The following ELF2 variants were observed in gnomAD, a reference collection of about 807,000 sequenced individuals.
The protein encoded by ELF2 is E74 like ETS transcription factor 2.
A neutral mutation model predicts 54.8 loss-of-function variants in ELF2; 11 were observed. The ratio of observed to expected loss-of-function variants is 0.20; its 90% confidence interval spans 0.13 to 0.33. The LOEUF is 0.33. Among genes scored for constraint, ELF2 ranks in the 10% least tolerant of loss-of-function variants. The probability of loss-of-function intolerance (pLI) is 1.00; values close to 1 mark genes in which losing one functional copy is unlikely to be tolerated. For synonymous variants in ELF2, 203 were observed against 245.1 expected, an observed-to-expected ratio of 0.83 and a Z score of 1.61; for missense variants, 513 against 703.0, an observed-to-expected ratio of 0.73 and a Z score of 3.06.
At chr4:139,158,747 A>C (rs1018216203) in intron 1 of ELF2, among the ~76,000 whole-genome samples, 2 of 152,332 alleles carry the variant, frequency 1.3e-5, no homozygotes, top group Middle Eastern at 3.4e-3. Flanking sequence ...GGGAGGACTC[A>C]GGACATCTAA....
chr4:139,171,483 T>A (rs995940568), intron 1 of ELF2, among the ~76,000 whole-genome samples: 1 of 151,838 alleles, frequency 6.6e-6, no homozygotes, highest in Non-Finnish European at 1.5e-5. Flanking sequence ...CAAAAAAAAA[T>A]TGCAACTTCG....
At chr4:139,142,914 AGG>A (rs1738856089) in intron 1 of ELF2, among the ~76,000 whole-genome samples, 1 of 152,192 alleles carries the variant, frequency 6.6e-6, no homozygotes, top group Non-Finnish European at 1.5e-5. Context: ...TGCAGATAAA[AGG>A]ATGACATTTG....
At position 139,132,224 on chromosome 4, in the gene ELF2, AGTAACAG is replaced by A. The variant is rs1322261682; in HGVS notation, c.72+5399_72+5405del. 3.9e-5 allele frequency among the ~76,000 whole-genome samples: 6 copies of A among 152,362 alleles called. No individual in the cohort carries two copies. The East Asian group carries it at 1.2e-3, about 29-fold the overall frequency. ...CCAAAAAAATAAAATAAATAAAGCC[AGTAACAG>A]GTAATTTGACAACTTTAAAAAGGAA... On this transcript the variant is annotated intron_variant, in intron 3 of 9. Coordinates refer to ENST00000686138, the MANE Select transcript of ELF2 (RefSeq NM_001331036.3).
chr4:139,119,137 C>A (rs939537488), intron 4 of ELF2, among the ~76,000 whole-genome samples: 1 of 152,166 alleles, frequency 6.6e-6, no homozygotes, highest in Admixed American at 6.5e-5. Flanking sequence ...AAGGTTAATT[C>A]CTTAATTCTA....
chr4:139,166,526 A>C (rs1741740896), intron 1 of ELF2, among the ~76,000 whole-genome samples: 1 of 152,226 alleles, frequency 6.6e-6, no homozygotes, highest in Non-Finnish European at 1.5e-5. Context: ...AATTCTAATG[A>C]AGAAACTGAT....
In ELF2 at chr4:139,088,967, A is replaced by G. The variant is rs534993523; in HGVS notation, c.239-15400T>C. On this transcript the variant is annotated intron_variant, in intron 4 of 9. Transcript: ENST00000686138. ...GAGACAGGGTTTCTCCATGTTATTC[A>G]GCTGGTCTCCAACTCCTGACCTCAG... 1.1e-4 allele frequency among the ~76,000 whole-genome samples: 16 copies of G among 152,242 alleles called. No homozygotes were observed. The East Asian group carries it at 2.7e-3, about 26-fold the overall frequency.
intron 1 of ELF2, among the ~76,000 whole-genome samples, chr4:139,159,310 G>A (rs1399390188): frequency 2.0e-5 from 3 of 152,208 alleles, no homozygotes; most frequent in Non-Finnish European, 4.4e-5. Context: ...ACGACAGAAA[G>A]GAAATGAGAC....
At chr4:139,107,532 A>C (rs1734537094) in intron 4 of ELF2, among the ~76,000 whole-genome samples, 1 of 152,232 alleles carries the variant, frequency 6.6e-6, no homozygotes, top group South Asian at 2.1e-4. Flanking sequence ...AAATACAAAA[A>C]AATCAAACTA....
At chr4:139,103,096 T>C (rs1206984194) in intron 4 of ELF2, among the ~76,000 whole-genome samples, 1 of 152,182 alleles carries the variant, frequency 6.6e-6, no homozygotes, top group Non-Finnish European at 1.5e-5. Flanking sequence ...CAGGCTAACC[T>C]TTTCTTTTTG....
intron 1 of ELF2, among the ~76,000 whole-genome samples, chr4:139,159,791 C>G (rs913028871): frequency 2.6e-5 from 4 of 152,264 alleles, no homozygotes; most frequent in Admixed American, 2.6e-4. Context: ...AATAAAGCAG[C>G]CTTGAGAAGA....
In ELF2 at chr4:139,058,782, T is replaced by G. The variant is rs1727378000; in HGVS notation, c.*201A>C. 7.4e-6 allele frequency: 5 copies of G among 677,216 alleles called. No homozygotes were observed. Among genetic ancestry groups the G allele is most frequent in the Non-Finnish European group, 1.2e-5 (5 of 434,538 alleles). 42.0% of individuals were successfully genotyped at this position (677,216 alleles called of 1,614,324 possible). A position where few individuals can be genotyped will look rare whatever the true frequency, so the allele number is the denominator to read the frequency against. ...AGTTGTTTCCTACTGTAAGAGGCAG[T>G]TTTCTGTCAGCATCTCAATATGTAG... On this transcript the variant is annotated 3_prime_UTR_variant, in exon 10 of 10. Coordinates refer to ENST00000686138, the MANE Select transcript of ELF2 (RefSeq NM_001331036.3).
In ELF2 at chr4:139,059,020, G is replaced by T. The variant is rs750962010; in HGVS notation, c.1745C>A (p.Thr582Asn). The change falls in exon 10 of 10, where the codon ACT becomes AAT. Residue 582 changes from threonine to asparagine, a missense_variant. Around this residue, in one of 3 missense-constraint regions of ELF2, gnomAD observed 291 missense variants for 366.1 expected, o/e 0.79. Coordinates refer to ENST00000686138, the MANE Select transcript of ELF2 (RefSeq NM_001331036.3). ...TGTCACTAGTCCTTCTGTTTTCATA[G>T]TTACAGGAAGGGCAATAGCTGAAGG... Reference protein sequence around the residue: ...SAPSAIALPVTMKTEGLVTCE... With the variant: ...SAPSAIALPVNMKTEGLVTCE... 6 of 1,613,456 alleles carry T rather than the reference G, an allele frequency of 3.7e-6. No individual in the cohort carries two copies. In the Admixed American group the frequency reaches 1.0e-4, roughly 27 times the overall value.
At chr4:139,146,338 CAAG>C (rs1739221824) in intron 1 of ELF2, among the ~76,000 whole-genome samples, 1 of 152,068 alleles carries the variant, frequency 6.6e-6, no homozygotes, top group South Asian at 2.1e-4. Context: ...AAGATCTCTA[CAAG>C]AAGAACTACA....
chr4:139,066,733 A>C (rs1410803972), intron 7 of ELF2: 1 of 151,972 alleles, frequency 6.6e-6, no homozygotes, highest in East Asian at 1.9e-4. Context: ...CTTAAAAAAA[A>C]AAAAAACAAA....
At chr4:139,077,110 C>G (rs1188409996) in intron 4 of ELF2, among the ~76,000 whole-genome samples, 5 of 152,100 alleles carry the variant, frequency 3.3e-5, no homozygotes, top group Non-Finnish European at 7.4e-5. Context: ...GATTTCTGGC[C>G]TCATGAAGCT....
At chr4:139,145,312 TG>T (rs1739119621) in intron 1 of ELF2, among the ~76,000 whole-genome samples, 1 of 152,212 alleles carries the variant, frequency 6.6e-6, no homozygotes, top group Non-Finnish European at 1.5e-5. Context: ...GTTACCCCTA[TG>T]AGAGCTGGTG....
intron 3 of ELF2, among the ~76,000 whole-genome samples, chr4:139,132,442 T>C (rs1412858095): frequency 2.0e-5 from 3 of 152,108 alleles, no homozygotes; most frequent in Admixed American, 2.0e-4. Context: ...CCCCACCACA[T>C]GTGCATGCAC....
intron 5 of ELF2, among the ~76,000 whole-genome samples, chr4:139,073,047 G>A (rs1049565512): frequency 2.0e-5 from 3 of 152,138 alleles, no homozygotes; most frequent in African/African-American, 7.2e-5. Context: ...AAGCTCCCTT[G>A]TCTCTCTACC....
At chr4:139,135,172 G>A (rs543809360) in intron 3 of ELF2, among the ~76,000 whole-genome samples, 32 of 150,372 alleles carry the variant, frequency 2.1e-4, no homozygotes, top group East Asian at 9.8e-4. Context: ...AATTTTGACA[G>A]GTCAGTTTTC....
Sources: allele counts gnomAD v4.1 joint callset (sites outside exome capture counted in the v4.1 genomes callset), GRCh38; gene constraint gnomAD v4.1.1; regional missense constraint gnomAD v4.1.1; transcripts MANE v1.5; gene names NCBI Gene and HGNC (gene_info 2026-07-23, HGNC 2026-07-21).